MAP2: variants seen among roughly 807,000 people sequenced by gnomAD.
MAP2 encodes the protein microtubule associated protein 2.
In MAP2, 14 loss-of-function variants were observed where a neutral mutation model predicts 137.6. That is an observed-to-expected ratio of 0.10 (90% CI 0.07 to 0.16). The LOEUF is 0.16. Ranked by LOEUF, MAP2 falls within the 10% of genes least tolerant of loss-of-function variation. The probability of loss-of-function intolerance (pLI) is 1.00; values close to 1 mark genes in which losing one functional copy is unlikely to be tolerated. For synonymous variants in MAP2, 786 were observed against 782.3 expected (o/e 1.00, Z -0.08); for missense variants, 2,088 against 2,191.5 (o/e 0.95, Z 0.94).
intron 2 of MAP2, among the ~76,000 whole-genome samples, chr2:209,522,864 A>G (rs1372027863): frequency 1.3e-5 from 2 of 152,188 alleles, no homozygotes; most frequent in South Asian, 2.1e-4. Flanking sequence ...AGAGATGTCA[A>G]CTAACTCATT....
At chr2:209,492,959 CA>C (rs1338029735) in intron 1 of MAP2, among the ~76,000 whole-genome samples, 1 of 152,070 alleles carries the variant, frequency 6.6e-6, no homozygotes, top group African/African-American at 2.4e-5. Flanking sequence ...CATACAGAAC[CA>C]AAAAAGATCC....
In MAP2 at chr2:209,696,868, G is replaced by A. The variant is rs763217209; in HGVS notation, c.4388-49G>A. ...AAAATTTCGTTCGGTTTTGCTCCAC[G>A]TGTTTATTTTTTCCTGATGGTATGC... On this transcript the variant is annotated intron_variant, in intron 9 of 15. Transcript: ENST00000682079. The A allele has an allele frequency of 7.6e-6, 12 of 1,570,984 alleles. No individual in the cohort carries two copies. In the East Asian group the frequency reaches 1.1e-4, roughly 15 times the overall value.
At chr2:209,537,901 A>C (rs1230610001) in intron 2 of MAP2, among the ~76,000 whole-genome samples, 1 of 152,192 alleles carries the variant, frequency 6.6e-6, no homozygotes, top group Non-Finnish European at 1.5e-5. Flanking sequence ...AATAATAATA[A>C]TATCAACAAT....
intron 12 of MAP2, among the ~76,000 whole-genome samples, chr2:209,707,212 G>A (rs2063713588): frequency 6.6e-6 from 1 of 152,132 alleles, no homozygotes; most frequent in Non-Finnish European, 1.5e-5. Context: ...GCCTTTTAAA[G>A]TGTATCTATA....
At chr2:209,601,075 ATACT>A (rs2082850655) in intron 3 of MAP2, among the ~76,000 whole-genome samples, 2 of 152,174 alleles carry the variant, frequency 1.3e-5, no homozygotes, top group East Asian at 1.9e-4. Context: ...AATTTCAATA[ATACT>A]TACCTCATAG....
intron 1 of MAP2, among the ~76,000 whole-genome samples, chr2:209,487,540 T>C (rs1197981748): frequency 2.0e-5 from 3 of 152,200 alleles, no homozygotes; most frequent in East Asian, 3.8e-4. Flanking sequence ...CCTACATGTT[T>C]ACAAAGCTCA....
intron 4 of MAP2, among the ~76,000 whole-genome samples, chr2:209,631,757 A>G (rs1235277876): frequency 1.3e-5 from 2 of 152,186 alleles, no homozygotes; most frequent in Non-Finnish European, 2.9e-5. Flanking sequence ...CTATTTACTC[A>G]TTAAAAAATA....
chr2:209,724,137 G>A (rs1008126358), intron 13 of MAP2, among the ~76,000 whole-genome samples: 1 of 152,154 alleles, frequency 6.6e-6, no homozygotes, highest in Non-Finnish European at 1.5e-5. Context: ...ATCTTCAGTG[G>A]TTCATTATTC....
In MAP2 at chr2:209,730,271, C is replaced by T; in HGVS notation, c.5358C>T (p.Ser1786=). 6.2e-7 allele frequency: 1 copy of T among 1,614,110 alleles called. No individual in the cohort carries two copies. Among genetic ancestry groups the T allele is most frequent in the South Asian group, 1.1e-5 (1 of 91,080 alleles). The change falls in exon 16 of 16, where the codon TCC becomes TCT. Residue 1786 remains serine (S), a synonymous_variant. Coordinates refer to ENST00000682079, the MANE Select transcript of MAP2 (RefSeq NM_001375505.1). The part of the protein sequence containing the change: ...AEIITQSPGR[S]SVASPRRLSN... ...TCATTACACAGTCCCCAGGCAGATC[C>T]AGCGTGGCATCACCCCGACGACTCA...
intron 4 of MAP2, among the ~76,000 whole-genome samples, chr2:209,651,737 T>C (rs2094815096): frequency 6.6e-6 from 1 of 152,180 alleles, no homozygotes; most frequent in Non-Finnish European, 1.5e-5. Context: ...GAATCAGTTT[T>C]GGGAGAGATT....
At chr2:209,608,516 A>T (rs2085608938) in intron 3 of MAP2, among the ~76,000 whole-genome samples, 1 of 151,984 alleles carries the variant, frequency 6.6e-6, no homozygotes, top group Admixed American at 6.6e-5. Flanking sequence ...ATCTATTTTT[A>T]TTTGATTCTG....
intron 3 of MAP2, among the ~76,000 whole-genome samples, chr2:209,598,768 G>GAC (rs1289863987): frequency 4.0e-5 from 6 of 150,716 alleles, no homozygotes; most frequent in Non-Finnish European, 8.9e-5. Context: ...CCCTACAAAG[G>GAC]ACATGAACTC....
At chr2:209,710,442 GC>G (rs1348840825) in intron 13 of MAP2, 188 bp downstream of exon 13, 1 of 580,172 alleles carries the variant, frequency 1.7e-6, no homozygotes, top group African/African-American at 1.9e-5. Context: ...CACATGACAT[GC>G]CCATTCCTTC....
At chr2:209,471,627 C>T (rs1705734818) in intron 1 of MAP2, among the ~76,000 whole-genome samples, 1 of 151,630 alleles carries the variant, frequency 6.6e-6, no homozygotes, top group Non-Finnish European at 1.5e-5. Flanking sequence ...TGATTTTTCT[C>T]ATGTTCCCAA....
chr2:209,499,532 C>A (rs897732895), intron 1 of MAP2, among the ~76,000 whole-genome samples: 1 of 152,132 alleles, frequency 6.6e-6, no homozygotes, highest in African/African-American at 2.4e-5. Flanking sequence ...AGCAACACCC[C>A]ACTCTTCAGT....
At chr2:209,597,953 A>G (rs1051761779) in intron 3 of MAP2, among the ~76,000 whole-genome samples, 1 of 151,982 alleles carries the variant, frequency 6.6e-6, no homozygotes, top group Admixed American at 6.6e-5. Flanking sequence ...ATTAATGCCC[A>G]TCTTCCTACA....
Position 209,428,923 on chromosome 2 carries a change from T to TTTA in MAP2, c.-222+4649_-222+4650insATT, listed in dbSNP as rs541065518. Reference sequence around the variant, plus strand: ...GCCTTCTTTGAATTACTTTATTTTATTTTATTTATTTATTTATTTATTTAT... The same window carrying TTTA: ...GCCTTCTTTGAATTACTTTATTTTATTTATTTATTTATTTATTTATTTATTTAT... On this transcript the variant is annotated intron_variant, in intron 1 of 15. Coordinates refer to ENST00000682079, the MANE Select transcript of MAP2 (RefSeq NM_001375505.1). Among the ~76,000 whole-genome samples the TTTA allele has an allele frequency of 2.0e-5, 3 of 146,346 alleles. No individual in the cohort carries two copies. In the East Asian group the frequency reaches 6.2e-4, roughly 30 times the overall value.
intron 13 of MAP2, among the ~76,000 whole-genome samples, chr2:209,712,596 A>G (rs1007487452): frequency 1.3e-5 from 2 of 152,160 alleles, no homozygotes; most frequent in African/African-American, 4.8e-5. Flanking sequence ...GTATAAATTC[A>G]CTTAAAGGGT....
At chr2:209,649,038 A>G (rs1028661727) in intron 4 of MAP2, among the ~76,000 whole-genome samples, 5 of 151,994 alleles carry the variant, frequency 3.3e-5, no homozygotes, top group Non-Finnish European at 5.9e-5. Context: ...TTTTATTTGT[A>G]TCTTTATTTG....
Sources: gnomAD v4.1 joint callset for allele counts (sites outside exome capture counted in the v4.1 genomes callset) on GRCh38, gnomAD v4.1.1 for gene constraint, MANE v1.5 for transcripts, NCBI Gene and HGNC (gene_info 2026-07-23, HGNC 2026-07-21) for gene names.